The following TMEM41B variants were observed in gnomAD, a reference collection of about 807,000 sequenced individuals.
The protein encoded by TMEM41B is transmembrane protein 41B.
TMEM41B carries 18 observed loss-of-function variants against 31.9 expected under a neutral mutation model. The observed-to-expected ratio is 0.56, with a 90% CI of 0.39 to 0.84. The LOEUF (loss-of-function observed/expected upper bound fraction) is 0.84, where lower values mean the gene tolerates loss of function less well. TMEM41B is among the 40% of genes least tolerant of loss of function. TMEM41B has a pLI of 0.00. For missense variants in TMEM41B, 322 were observed against 348.0 expected (o/e 0.93, Z 0.59); for synonymous variants, 144 against 124.3 (o/e 1.16, Z -1.05).
intron 1 of TMEM41B, among the ~76,000 whole-genome samples, chr11:9,308,028 G>C (rs1853443938): frequency 6.6e-6 from 1 of 151,114 alleles, no homozygotes; most frequent in Non-Finnish European, 1.5e-5. Context: ...GAGCCACCGC[G>C]CCCAGCCTTA....
Position 9,283,281 on chromosome 11 carries a change from T to G in TMEM41B, c.*143A>C, listed in dbSNP as rs1852762601. 2 of 650,524 alleles carry G rather than the reference T, an allele frequency of 3.1e-6. No homozygotes were observed. The highest frequency in any genetic ancestry group is 5.8e-5 in the East Asian group (2 of 34,640). The allele number at this position is 650,524 out of a possible 1,614,324, so 40.3% of individuals were successfully genotyped here. On this transcript the variant is annotated 3_prime_UTR_variant, in exon 7 of 7. Transcript: ENST00000528080. ...TTCTTCTCCCCTTGTCACTTAAATG[T>G]ATTACTTTAACTATCTGATAGGAAA...
chr11:9,311,182 A>T, intron 1 of TMEM41B: 1 of 1,322,968 alleles, frequency 7.6e-7, no homozygotes, highest in South Asian at 1.3e-5. Context: ...GGGTGTGGGG[A>T]GCACAAGGGC....
intron 2 of TMEM41B, 42 bp downstream of exon 2, chr11:9,299,541 AT>A (rs1853194820): frequency 7.5e-7 from 1 of 1,330,460 alleles, no homozygotes; most frequent in Non-Finnish European, 1.1e-6. Context: ...CTTTCATCTT[AT>A]AAATATCTAT....
chr11:9,281,603 G>A lies in TMEM41B; in HGVS notation c.*1821C>T, dbSNP rs1171067155. ...GTCATGGGTGAAGGTAAAACTGACAGAGTACTTTAGATCAGCTATGTCCTA... is the reference window on the plus strand; with the variant it reads ...GTCATGGGTGAAGGTAAAACTGACAAAGTACTTTAGATCAGCTATGTCCTA... On this transcript the variant is annotated 3_prime_UTR_variant, in exon 7 of 7. Transcript: ENST00000528080. 2 of 152,230 alleles carry A rather than the reference G, an allele frequency of 1.3e-5. No individual in the cohort carries two copies. Among genetic ancestry groups the A allele is most frequent in the African/African-American group, 4.8e-5 (2 of 41,472 alleles). The allele number at this position is 152,230 out of a possible 1,614,324, so 9.4% of individuals were successfully genotyped here.
intron 2 of TMEM41B, 32 bp from the exon 3 acceptor site, chr11:9,295,419 G>T: frequency 1.5e-6 from 2 of 1,362,118 alleles, no homozygotes; most frequent in South Asian, 1.3e-5. Context: ...TTTTAGAACA[G>T]AATTTTGCCA....
intron 3 of TMEM41B, 150 bp from the exon 4 acceptor site, chr11:9,288,685 A>C: frequency 1.8e-6 from 1 of 546,872 alleles, no homozygotes; most frequent in Non-Finnish European, 3.1e-6. Context: ...CATTTACTAA[A>C]CAGTATCATA....
chr11:9,312,918 A>AG (rs1853596811), intron 1 of TMEM41B, among the ~76,000 whole-genome samples: 1 of 148,996 alleles, frequency 6.7e-6, no homozygotes, highest in African/African-American at 2.5e-5. Context: ...AAAAAAAAAA[A>AG]AAAAAGAATA....
Position 9,311,173 on chromosome 11 carries a change from G to A in TMEM41B, c.121+3148C>T, listed in dbSNP as rs982742810. 4 of 1,264,024 alleles carry A rather than the reference G, an allele frequency of 3.2e-6. No homozygotes were observed. The African/African-American group carries it at 5.9e-5, about 19-fold the overall frequency. The allele number at this position is 1,264,024 out of a possible 1,614,324, so 78.3% of individuals were successfully genotyped here. A position where few individuals can be genotyped will look rare whatever the true frequency, so the allele number is the denominator to read the frequency against. ...CAGGGTGAAGCTCAGGCGGGGGTAGGGTGTGGGGAGCACAAGGGCTACTTT... is the reference window on the plus strand; with the variant it reads ...CAGGGTGAAGCTCAGGCGGGGGTAGAGTGTGGGGAGCACAAGGGCTACTTT... On this transcript the variant is annotated intron_variant, in intron 1 of 6. Transcript: ENST00000528080.
chr11:9,299,443 G>C (rs759316731), intron 2 of TMEM41B, 141 bp downstream of exon 2: 7 of 592,214 alleles, frequency 1.2e-5, no homozygotes, highest in East Asian at 1.2e-4. Context: ...GGCTGGTCTC[G>C]CACTCCTGGA....
At chr11:9,300,414 A>G (rs536232359) in intron 1 of TMEM41B, among the ~76,000 whole-genome samples, 2 of 152,224 alleles carry the variant, frequency 1.3e-5, no homozygotes, top group South Asian at 2.1e-4. Context: ...CACCTGTTTT[A>G]AGAACATAAA....
At chr11:9,299,118 T>C (rs1303411437) in intron 2 of TMEM41B, among the ~76,000 whole-genome samples, 1 of 151,022 alleles carries the variant, frequency 6.6e-6, no homozygotes, top group Non-Finnish European at 1.5e-5. Context: ...CCGTCTCTAC[T>C]AAAAATACAA....
rs36030741 is a variant in TMEM41B, at chr11:9,312,903, C to CAA, written c.121+1416_121+1417dup. ...TGGGTGACAGACCGAGACTCCGTCT[C>CAA]AAAAAAAAAAAAAAAAAAAAGAATA... On this transcript the variant is annotated intron_variant, in intron 1 of 6. Coordinates refer to ENST00000528080, the MANE Select transcript of TMEM41B (RefSeq NM_015012.4). Among the ~76,000 whole-genome samples, 71 of 95,212 alleles carry CAA rather than the reference C, an allele frequency of 7.5e-4. 1 individual carries two copies. Among genetic ancestry groups the CAA allele is most frequent in the African/African-American group, 1.7e-3 (43 of 24,816 alleles). 62.5% of individuals were successfully genotyped at this position (95,212 alleles called of 152,430 possible).
In TMEM41B at chr11:9,280,819, C is replaced by G. The variant is rs1852703137; in HGVS notation, c.*2605G>C. On this transcript the variant is annotated 3_prime_UTR_variant, in exon 7 of 7. Coordinates refer to ENST00000528080, the MANE Select transcript of TMEM41B (RefSeq NM_015012.4). Reference sequence around the variant, plus strand: ...GTCAACTCCTAGTTAGCCTGCTTGCCTCCGCACCACAGATGCTTGTCTTCT... The same window carrying G: ...GTCAACTCCTAGTTAGCCTGCTTGCGTCCGCACCACAGATGCTTGTCTTCT... 6.6e-6 allele frequency: 1 copy of G among 152,150 alleles called. No homozygotes were observed. The highest frequency in any genetic ancestry group is 2.1e-4 in the South Asian group (1 of 4,830). 9.4% of individuals were successfully genotyped at this position (152,150 alleles called of 1,614,324 possible).
At chr11:9,291,547 G>A (rs768384767) in intron 3 of TMEM41B, among the ~76,000 whole-genome samples, 7 of 151,354 alleles carry the variant, frequency 4.6e-5, no homozygotes, top group Non-Finnish European at 1.0e-4. Context: ...GATTACAAGC[G>A]TGTGCCATCG....
chr11:9,288,218 G>A, intron 4 of TMEM41B: 1 of 401,116 alleles, frequency 2.5e-6, no homozygotes, highest in Non-Finnish European at 4.4e-6. Flanking sequence ...AAATCCAATA[G>A]GAAAGAAAAG....
chr11:9,294,180 CAAAAAAAA>C (rs538372314), intron 3 of TMEM41B, among the ~76,000 whole-genome samples: 19 of 73,452 alleles, frequency 2.6e-4, no homozygotes, highest in Non-Finnish European at 4.1e-4. Flanking sequence ...GAACCTGTCT[CAAAAAAAA>C]AAAAAAAAAA....
At chr11:9,287,600 T>C (rs1024106135) in intron 5 of TMEM41B, 102 bp downstream of exon 5, 37 of 697,236 alleles carry the variant, frequency 5.3e-5, no homozygotes, top group Non-Finnish European at 8.1e-5. Flanking sequence ...TAGGAATTAA[T>C]TTATGTTGGG....
chr11:9,308,677 A>G (rs1273300887), intron 1 of TMEM41B, among the ~76,000 whole-genome samples: 11 of 152,218 alleles, frequency 7.2e-5, no homozygotes, highest in Non-Finnish European at 1.5e-5. Context: ...TGTCATTGGG[A>G]AAACTGATTT....
chr11:9,311,719 G>A (rs1319415432), intron 1 of TMEM41B: 8 of 729,312 alleles, frequency 1.1e-5, no homozygotes, highest in Non-Finnish European at 2.0e-5. Context: ...CCTTTCCACT[G>A]CTGCCTGGGC....
Sources: allele counts gnomAD v4.1 joint callset (sites outside exome capture counted in the v4.1 genomes callset), GRCh38; gene constraint gnomAD v4.1.1; transcripts MANE v1.5; gene names NCBI Gene and HGNC (gene_info 2026-07-23, HGNC 2026-07-21).